ARHGEF28: variants seen among roughly 807,000 people sequenced by gnomAD.
The protein encoded by ARHGEF28 is Rho guanine nucleotide exchange factor 28.
ARHGEF28 carries 152 observed loss-of-function variants against 206.6 expected under a neutral mutation model. The observed-to-expected ratio is 0.74, with a 90% CI of 0.64 to 0.84. The LOEUF (loss-of-function observed/expected upper bound fraction) is 0.84. ARHGEF28 is among the 40% of genes least tolerant of loss of function. ARHGEF28 has a pLI of 0.00. For missense variants in ARHGEF28, 2,028 were observed against 2,073.2 expected (o/e 0.98, Z 0.42); for synonymous variants, 763 against 776.4 (o/e 0.98, Z 0.29).
chr5:73,636,288 G>T (rs1212718311), intron 1 of ARHGEF28, among the ~76,000 whole-genome samples: 1 of 152,184 alleles, frequency 6.6e-6, no homozygotes, highest in African/African-American at 2.4e-5. Context: ...CACTTGGCAT[G>T]CTTGTCTCAC....
At chr5:73,852,428 G>T (rs1332211308) in intron 13 of ARHGEF28, among the ~76,000 whole-genome samples, 1 of 151,960 alleles carries the variant, frequency 6.6e-6, no homozygotes, top group Non-Finnish European at 1.5e-5. Flanking sequence ...TTAAATGTTG[G>T]CATATTTTGG....
intron 2 of ARHGEF28, among the ~76,000 whole-genome samples, chr5:73,725,671 A>T (rs913952564): frequency 6.6e-6 from 1 of 152,180 alleles, no homozygotes; most frequent in Non-Finnish European, 1.5e-5. Flanking sequence ...TTTTGAGAGA[A>T]TCAGTAAGTT....
intron 35 of ARHGEF28, among the ~76,000 whole-genome samples, chr5:73,914,830 A>G: frequency 6.6e-6 from 1 of 152,068 alleles, no homozygotes; most frequent in Non-Finnish European, 1.5e-5. Context: ...GGCTCCATCC[A>G]CCTCCTGGAC....
Position 73,911,358 on chromosome 5 carries a change from C to G in ARHGEF28, c.4731C>G (p.Asn1577Lys), listed in dbSNP as rs1369823356. The change falls in exon 35 of 36, where the codon AAC becomes AAG. Residue 1577 changes from asparagine to lysine, a missense_variant. Coordinates refer to ENST00000513042, the MANE Select transcript of ARHGEF28 (RefSeq NM_001177693.2). Reference protein sequence around the residue: ...INEALVQMSFNTFNKLNPSVI... With the variant: ...INEALVQMSFKTFNKLNPSVI... The stretch of plus-strand genomic sequence containing the variant: ...AAGCTTTAGTACAAATGTCATTTAA[C>G]ACTTTCAACAAACTGAATCCATCAG... The G allele has an allele frequency of 3.1e-6, 5 of 1,613,524 alleles. No individual in the cohort carries two copies. The highest frequency in any genetic ancestry group is 3.4e-6 in the Non-Finnish European group (4 of 1,179,690).
At chr5:73,885,425 T>C (rs7732677) in intron 24 of ARHGEF28, among the ~76,000 whole-genome samples, 12,440 of 151,862 alleles carry the variant, frequency 0.082, 744 homozygotes, top group African/African-American at 0.16. Flanking sequence ...TAAAATATTT[T>C]AACATTTTTT....
chr5:73,832,899 T>G (rs1394786579), intron 10 of ARHGEF28, among the ~76,000 whole-genome samples: 1 of 152,228 alleles, frequency 6.6e-6, no homozygotes, highest in African/African-American at 2.4e-5. Context: ...AATTACTTGC[T>G]TAATCGATAC....
chr5:73,833,328 A>G (rs754905296), intron 10 of ARHGEF28, among the ~76,000 whole-genome samples: 25 of 147,026 alleles, frequency 1.7e-4, no homozygotes. Flanking sequence ...ATTTTACCCT[A>G]TTTATAGATA....
intron 1 of ARHGEF28, among the ~76,000 whole-genome samples, chr5:73,681,309 A>C (rs1747084767): frequency 6.6e-6 from 1 of 152,190 alleles, no homozygotes; most frequent in Non-Finnish European, 1.5e-5. Context: ...AGTGGATATA[A>C]ATTAATTTTT....
chr5:73,817,766 C>G (rs535173539), intron 9 of ARHGEF28, among the ~76,000 whole-genome samples: 1 of 152,090 alleles, frequency 6.6e-6, no homozygotes, highest in African/African-American at 2.4e-5. Context: ...CCAGGACACT[C>G]GAGAGTGTCC....
chr5:73,686,875 G>A (rs1378381348), intron 2 of ARHGEF28, among the ~76,000 whole-genome samples: 1 of 152,078 alleles, frequency 6.6e-6, no homozygotes, highest in African/African-American at 2.4e-5. Flanking sequence ...AAAATGAAAA[G>A]TACAGGAAAG....
chr5:73,744,708 C>T (rs963341708), intron 2 of ARHGEF28, among the ~76,000 whole-genome samples: 2 of 151,980 alleles, frequency 1.3e-5, no homozygotes, highest in Non-Finnish European at 2.9e-5. Flanking sequence ...TATTATGCTT[C>T]TTTCCCTAAA....
chr5:73,798,899 C>T (rs922360804), intron 9 of ARHGEF28, among the ~76,000 whole-genome samples: 9 of 152,070 alleles, frequency 5.9e-5, no homozygotes, highest in African/African-American at 1.4e-4. Flanking sequence ...ACCAGGCTGG[C>T]CAACATGGTG....
chr5:73,631,133 G>C (rs923494812), intron 1 of ARHGEF28, among the ~76,000 whole-genome samples: 1 of 152,164 alleles, frequency 6.6e-6, no homozygotes, highest in African/African-American at 2.4e-5. Context: ...AAAGAGGAAA[G>C]ACAAGTGGGC....
chr5:73,883,958 C>A, intron 24 of ARHGEF28, 74 bp downstream of exon 24: 2 of 823,362 alleles, frequency 2.4e-6, no homozygotes, highest in Non-Finnish European at 3.6e-6. Flanking sequence ...TTCTAAACAG[C>A]CATCAGTGTT....
intron 2 of ARHGEF28, among the ~76,000 whole-genome samples, chr5:73,730,038 T>C (rs1200597763): frequency 1.3e-5 from 2 of 152,210 alleles, no homozygotes; most frequent in East Asian, 3.8e-4. Flanking sequence ...CCAGAGTTAT[T>C]CAGTGAATAT....
intron 35 of ARHGEF28, among the ~76,000 whole-genome samples, chr5:73,927,144 T>C (rs1157542747): frequency 6.6e-6 from 1 of 151,938 alleles, no homozygotes; most frequent in Non-Finnish European, 1.5e-5. Context: ...AAGGATTGCT[T>C]GAGCCCAGGA....
intron 7 of ARHGEF28, among the ~76,000 whole-genome samples, chr5:73,790,310 G>T (rs542775521): frequency 1.3e-5 from 2 of 151,732 alleles, no homozygotes; most frequent in Non-Finnish European, 2.9e-5. Context: ...CTTCTCCACT[G>T]TCTTAAATAA....
At chr5:73,849,223 C>T in intron 13 of ARHGEF28, 136 bp downstream of exon 13, 2 of 650,748 alleles carry the variant, frequency 3.1e-6, no homozygotes, top group South Asian at 4.4e-5. Context: ...TTTTTCTAAG[C>T]CTGACAAAAT....
At position 73,929,496 on chromosome 5, in the gene ARHGEF28, C is replaced by G. The variant is rs558498474; in HGVS notation, c.4949-11348C>G. 2.3e-5 allele frequency among the ~76,000 whole-genome samples: 3 copies of G among 127,676 alleles called. No individual in the cohort carries two copies. In the East Asian group the frequency reaches 8.5e-4, roughly 36 times the overall value. 83.8% of individuals were successfully genotyped at this position (127,676 alleles called of 152,430 possible). ...TTCACAAATGTTATGTGTGTGTATA[C>G]TTTTCACAGTTTATTTTTGACTCAG... On this transcript the variant is annotated intron_variant, in intron 35 of 35. Coordinates refer to ENST00000513042, the MANE Select transcript of ARHGEF28 (RefSeq NM_001177693.2).
Sources: allele counts gnomAD v4.1 joint callset (sites outside exome capture counted in the v4.1 genomes callset), GRCh38; gene constraint gnomAD v4.1.1; transcripts MANE v1.5; gene names NCBI Gene and HGNC (gene_info 2026-07-23, HGNC 2026-07-21).